SIRT7: variants seen among roughly 807,000 people sequenced by gnomAD.
The protein encoded by SIRT7 is sirtuin 7.
Under a neutral mutation model 42.8 loss-of-function variants are expected in SIRT7, and 32 were observed. The observed-to-expected ratio is 0.75, with a 90% CI of 0.56 to 1.00. The LOEUF is 1.00. Ranked by LOEUF, SIRT7 falls within the 50% of genes least tolerant of loss-of-function variation. The pLI is 0.00. For synonymous variants in SIRT7, 297 were observed against 245.2 expected (o/e 1.21, Z -1.97); for missense variants, 553 against 572.2 (o/e 0.97, Z 0.34).
intron 9 of SIRT7, 46 bp from the exon 10 acceptor site, chr17:81,912,660 G>C (rs374253740): frequency 4.5e-6 from 7 of 1,572,906 alleles, no homozygotes; most frequent in Non-Finnish European, 5.2e-6. Flanking sequence ...GGAGCCTCTC[G>C]CAGTCACACC....
intron 5 of SIRT7, 24 bp downstream of exon 5, chr17:81,915,416 G>A (rs528591809): frequency 4.4e-6 from 7 of 1,607,258 alleles, no homozygotes; most frequent in African/African-American, 4.0e-5. Context: ...CCTGGCAAGT[G>A]TACCAGCCAC....
chr17:81,915,305 G>A (rs1027972030), intron 5 of SIRT7, 135 bp downstream of exon 5: 20 of 952,100 alleles, frequency 2.1e-5, no homozygotes, highest in East Asian at 7.9e-5. Context: ...TCAAACCCGC[G>A]GCCTAACCCG....
rs1174487722 is a variant in SIRT7, at chr17:81,913,400, A to T, written c.1004+374T>A. On this transcript the variant is annotated intron_variant, in intron 9 of 9. Transcript: ENST00000328666. The surrounding 1 kb of genome is among the most constrained non-coding windows in gnomAD (Gnocchi z 5.0). ...AGGCACAGTTTGTTTAAGCTTTCCCAAAGTACGCCAACTCCCAAAACCAAG... is the reference window on the plus strand; with the variant it reads ...AGGCACAGTTTGTTTAAGCTTTCCCTAAGTACGCCAACTCCCAAAACCAAG... The T allele has an allele frequency of 2.2e-6, 1 of 448,610 alleles. No individual in the cohort carries two copies. Among genetic ancestry groups the T allele is most frequent in the East Asian group, 6.6e-5 (1 of 15,104 alleles). The allele number at this position is 448,610 out of a possible 1,614,324, so 27.8% of individuals were successfully genotyped here.
rs766303428 is a variant in SIRT7, at chr17:81,914,544, G to A, written c.580-14C>T. 3.8e-5 allele frequency: 61 copies of A among 1,612,898 alleles called. No homozygotes were observed. In the East Asian group the frequency reaches 1.2e-3, roughly 32 times the overall value. ...GGAGGTACAGACCTAGAGGCAAGAG[G>A]GCACAGTGAGTGGGACCCGCCTGCC... On this transcript the variant is annotated splice_polypyrimidine_tract_variant and intron_variant, in intron 6 of 9. Coordinates refer to ENST00000328666, the MANE Select transcript of SIRT7 (RefSeq NM_016538.3).
In SIRT7 at chr17:81,917,942, G is replaced by C; in HGVS notation, c.119C>G (p.Ala40Gly). The C allele has an allele frequency of 7.2e-7, 1 of 1,383,912 alleles. No individual in the cohort carries two copies. The allele number at this position is 1,383,912 out of a possible 1,614,324, so 85.7% of individuals were successfully genotyped here. Residue 40 changes from alanine to glycine, a missense_variant, in exon 2 of 10, where the codon GCG (alanine) becomes GGG (glycine). Coordinates refer to ENST00000328666, the MANE Select transcript of SIRT7 (RefSeq NM_016538.3). The stretch of plus-strand genomic sequence containing the variant: ...GCCCTCCTCGGCGCTGCGCTCCGCC[G>C]CCGCCTTCCTCAGGATGCGCGACAC... ...RQVSRILRKA[A>G]AERSAEEGRL...
intron 5 of SIRT7, 179 bp from the exon 6 acceptor site, chr17:81,914,881 T>C (rs1171545043): frequency 5.0e-6 from 3 of 603,736 alleles, no homozygotes; most frequent in Non-Finnish European, 8.9e-6. Context: ...CCACCAGGAG[T>C]CAAGAGGGCC....
chr17:81,915,660 G>C lies in SIRT7; in HGVS notation c.358C>G (p.Arg120Gly). Residue 120 changes from arginine to glycine, a missense_variant, in exon 4 of 10, where the codon CGG (arginine) becomes GGG (glycine). Arg to Gly is a moderately radical substitution (Grantham distance 125). Transcript: ENST00000328666. ...AGTGTCCACACTCCATTAGGGCCCC[G>C]GTAGTCTGGGATAGACGCTGCCTGC... ...ISTAASIPDY[R>G]GPNGVWTLLQ... 6.2e-7 allele frequency: 1 copy of C among 1,613,862 alleles called. No individual in the cohort carries two copies. Among genetic ancestry groups the C allele is most frequent in the Non-Finnish European group, 8.5e-7 (1 of 1,179,994 alleles).
In SIRT7 at chr17:81,915,374, G is replaced by A. The variant is rs956157568; in HGVS notation, c.480+66C>T. On this transcript the variant is annotated intron_variant, in intron 5 of 9. Transcript: ENST00000328666. The stretch of plus-strand genomic sequence containing the variant: ...AGACAGAGGGCGGGTGCAGTTAGTT[G>A]CCCACTGGGCACCAAGGTGCTCTGC... The A allele has an allele frequency of 3.9e-6, 6 of 1,544,570 alleles. No individual in the cohort carries two copies. The African/African-American group carries it at 8.2e-5, about 21-fold the overall frequency.
chr17:81,914,767 C>T (rs1036471293), intron 5 of SIRT7, 65 bp from the exon 6 acceptor site: 8 of 1,352,952 alleles, frequency 5.9e-6, no homozygotes, highest in African/African-American at 4.3e-5. Flanking sequence ...GGTCAGTACC[C>T]GGCCACAGCG....
rs772703408 is a variant in SIRT7 at position 81,918,023 on chromosome 17, A to AGCG, written c.93+13_93+15dup. 17 of 1,437,154 alleles carry AGCG rather than the reference A, an allele frequency of 1.2e-5. No individual in the cohort carries two copies. In the Admixed American group the frequency reaches 2.8e-4, roughly 23 times the overall value. 89.0% of individuals were successfully genotyped at this position (1,437,154 alleles called of 1,614,324 possible). A position where few individuals can be genotyped will look rare whatever the true frequency, so the allele number is the denominator to read the frequency against. On this transcript the variant is annotated intron_variant, in intron 1 of 9. Transcript: ENST00000328666. ...CGGGCCGGGCATGGCCGGGCCGGGG[A>AGCG]GCGGCGGCGGCGTACCTGGCGGAGG...
chr17:81,918,162 C>G lies in SIRT7; in HGVS notation c.-31G>C. 1 of 1,532,806 alleles carries G rather than the reference C, an allele frequency of 6.5e-7. No homozygotes were observed. The highest frequency in any genetic ancestry group is 8.7e-7 in the Non-Finnish European group (1 of 1,150,320). The allele number at this position is 1,532,806 out of a possible 1,614,324, so 95.0% of individuals were successfully genotyped here. On this transcript the variant is annotated 5_prime_UTR_variant, in exon 1 of 10. Coordinates refer to ENST00000328666, the MANE Select transcript of SIRT7 (RefSeq NM_016538.3). ...CCCTGGAGACCTGCTCTTCCGCTTC[C>G]GCCTCACACGGCAGGCCGCGCTCAG...
chr17:81,917,436 GTTTTT>G lies in SIRT7; in HGVS notation c.336+174_336+178del, dbSNP rs374653049. On this transcript the variant is annotated intron_variant, in intron 3 of 9. Coordinates refer to ENST00000328666, the MANE Select transcript of SIRT7 (RefSeq NM_016538.3). ...CACCCCATTCGTATCTCTACTCCTT[GTTTTT>G]TTTAACTGGCTGTAACACAGAGGCC... 2.3e-5 allele frequency: 12 copies of G among 528,426 alleles called. No homozygotes were observed. The South Asian group carries it at 4.5e-4, about 20-fold the overall frequency. 32.7% of individuals were successfully genotyped at this position (528,426 alleles called of 1,614,324 possible).
chr17:81,915,450 T>A lies in SIRT7; in HGVS notation c.470A>T (p.Glu157Val), dbSNP rs11559052. The stretch of plus-strand genomic sequence containing the variant: ...ACCCAGGGCTCTTACCAGCTTCTGC[T>A]CATGCAGACGGGTGATGCTCATGTG... Reference protein sequence around the residue: ...LTHMSITRLHEQKLVQHVVSQ... With the variant: ...LTHMSITRLHVQKLVQHVVSQ... Residue 157 changes from glutamate (E) to valine (V), a missense_variant, in exon 5 of 10, where the codon GAG (glutamate) becomes GTG (valine). Physicochemically the swap from Glu to Val is moderately radical, Grantham distance 121. Transcript: ENST00000328666. 6.2e-7 allele frequency: 1 copy of A among 1,613,066 alleles called. No individual in the cohort carries two copies. The highest frequency in any genetic ancestry group is 1.3e-5 in the African/African-American group (1 of 74,920).
At chr17:81,917,459 C>CA in intron 3 of SIRT7, 156 bp downstream of exon 3, 1 of 615,374 alleles carries the variant, frequency 1.6e-6, no homozygotes, top group East Asian at 3.4e-5. Flanking sequence ...GGCTGTAACA[C>CA]AGAGGCCAAG....
In SIRT7 at chr17:81,914,183, GAC is replaced by G; in HGVS notation, c.817-18_817-17del. On this transcript the variant is annotated splice_polypyrimidine_tract_variant and intron_variant, in intron 7 of 9. Coordinates refer to ENST00000328666, the MANE Select transcript of SIRT7 (RefSeq NM_016538.3). ...TCTTTAGAACCTGTGGAAGCAGACA[GAC>G]AGACACCGCACACACACAAGGGACA... 6.2e-7 allele frequency: 1 copy of G among 1,613,622 alleles called. No homozygotes were observed. The highest frequency in any genetic ancestry group is 8.5e-7 in the Non-Finnish European group (1 of 1,180,024).
chr17:81,914,470 T>C lies in SIRT7; in HGVS notation c.640A>G (p.Thr214Ala), dbSNP rs2040754261. The change falls in exon 7 of 10, where the codon ACT (threonine) becomes GCT (alanine). Residue 214 changes from threonine to alanine, a missense_variant. Physicochemically the swap from Thr to Ala is moderately conservative, Grantham distance 58 (BLOSUM62 0). Transcript: ENST00000328666. ...YVRVFDVTER[T>A]ALHRHQTGRT... ...CCTGTCTGGTGTCTGTGGAGGGCAG[T>C]GCGCTCCGTCACATCGAACACCCGC... 6.2e-7 allele frequency: 1 copy of C among 1,613,000 alleles called. No individual in the cohort carries two copies. Among genetic ancestry groups the C allele is most frequent in the Admixed American group, 1.7e-5 (1 of 59,998 alleles).
intron 8 of SIRT7, 42 bp downstream of exon 8, chr17:81,914,045 A>G (rs1175987781): frequency 6.2e-7 from 1 of 1,608,438 alleles, no homozygotes; most frequent in Non-Finnish European, 8.5e-7. Flanking sequence ...TGTGCGTTCT[A>G]AGACCCAGAT....
chr17:81,912,738 G>A (rs1348614224), intron 9 of SIRT7, 124 bp from the exon 10 acceptor site: 28 of 1,057,932 alleles, frequency 2.6e-5, no homozygotes, highest in South Asian at 4.1e-5. Context: ...TGTCAACTGC[G>A]GCGGGGCTCT....
At chr17:81,917,519 A>G in intron 3 of SIRT7, 96 bp downstream of exon 3, 1 of 1,094,716 alleles carries the variant, frequency 9.1e-7, no homozygotes, top group Non-Finnish European at 1.2e-6. Flanking sequence ...TCGTTTCTTT[A>G]AGAGAAAAAA....
Sources: gnomAD v4.1 joint callset for allele counts on GRCh38, gnomAD v4.1.1 for gene constraint, Gnocchi (gnomAD v3.1) non-coding constraint, MANE v1.5 for transcripts, NCBI Gene and HGNC (gene_info 2026-07-23, HGNC 2026-07-21) for gene names.